HDHD2: variants seen among roughly 807,000 people sequenced by gnomAD.
HDHD2 encodes haloacid dehalogenase like hydrolase domain containing 2, also known as haloacid dehalogenase-like hydrolase domain-containing protein 2.
HDHD2 carries 26 observed loss-of-function variants against 24.8 expected under a neutral mutation model. The ratio of observed to expected loss-of-function variants is 1.05; its 90% CI spans 0.77 to 1.45. The LOEUF (loss-of-function observed/expected upper bound fraction) is 1.45. HDHD2 is among the 40% of genes most tolerant of loss of function. The pLI is 0.00. For missense variants in HDHD2, 299 were observed against 313.4 expected (o/e 0.95, Z 0.35); for synonymous variants, 128 against 114.9 (o/e 1.11, Z -0.73).
At chr18:47,122,932 T>A (rs1001645424) in intron 4 of HDHD2, among the ~76,000 whole-genome samples, 1 of 151,850 alleles carries the variant, frequency 6.6e-6, no homozygotes, top group African/African-American at 2.4e-5. Flanking sequence ...AAAACAAACA[T>A]AGCTTACTGA....
At chr18:47,148,871 T>C (rs1284546415) in intron 1 of HDHD2, among the ~76,000 whole-genome samples, 2 of 152,202 alleles carry the variant, frequency 1.3e-5, no homozygotes, top group African/African-American at 4.8e-5. Flanking sequence ...AACAGTGCAG[T>C]GGTTAAGGAC....
At chr18:47,109,553 A>C (rs2063499306) in intron 6 of HDHD2, 1 of 152,306 alleles carries the variant, frequency 6.6e-6, no homozygotes, top group African/African-American at 2.4e-5. Context: ...GCTGCTTACC[A>C]AGCCCTTTGT....
intron 4 of HDHD2, among the ~76,000 whole-genome samples, chr18:47,121,968 C>T (rs2063611439): frequency 6.6e-6 from 1 of 152,148 alleles, no homozygotes; most frequent in East Asian, 1.9e-4. Context: ...GGACTTCCTC[C>T]TCACATTTGG....
intron 3 of HDHD2, among the ~76,000 whole-genome samples, chr18:47,132,194 T>C (rs543269572): frequency 2.0e-4 from 30 of 152,224 alleles, no homozygotes; most frequent in Non-Finnish European, 4.1e-4. Flanking sequence ...ACAGAAAATG[T>C]GTAAAGATTT....
chr18:47,128,373 A>G (rs1365759192), intron 4 of HDHD2, among the ~76,000 whole-genome samples: 2 of 152,222 alleles, frequency 1.3e-5, no homozygotes, highest in Non-Finnish European at 2.9e-5. Flanking sequence ...TAAATGAGTG[A>G]AAAGTAGTAG....
At chr18:47,118,272 AT>A (rs1434291909) in intron 4 of HDHD2, among the ~76,000 whole-genome samples, 1 of 152,190 alleles carries the variant, frequency 6.6e-6, no homozygotes, top group Admixed American at 6.5e-5. Flanking sequence ...AGGAATATAG[AT>A]CATTCTATTA....
chr18:47,113,138 A>C, intron 5 of HDHD2, 98 bp from the exon 6 acceptor site: 1 of 928,164 alleles, frequency 1.1e-6, no homozygotes, highest in Non-Finnish European at 1.8e-6. Flanking sequence ...TCCAACTGTA[A>C]TGCCATGTTT....
At chr18:47,148,762 T>G (rs1055101986) in intron 1 of HDHD2, among the ~76,000 whole-genome samples, 2 of 152,214 alleles carry the variant, frequency 1.3e-5, no homozygotes, top group Admixed American at 6.5e-5. Context: ...CTTTTTGAAG[T>G]TGGAAATCAA....
At chr18:47,119,783 G>C (rs1055839155) in intron 4 of HDHD2, among the ~76,000 whole-genome samples, 5 of 152,094 alleles carry the variant, frequency 3.3e-5, no homozygotes, top group Admixed American at 6.6e-5. Flanking sequence ...CATTGTCTAT[G>C]GCAGCTATGG....
Position 47,136,429 on chromosome 18 carries a change from C to T in HDHD2, c.11G>A (p.Cys4Tyr). 6.2e-7 allele frequency: 1 copy of T among 1,612,628 alleles called. No individual in the cohort carries two copies. The highest frequency in any genetic ancestry group is 2.2e-5 in the East Asian group (1 of 44,874). The change falls in exon 2 of 7, where the codon TGC (cysteine) becomes TAC (tyrosine). Residue 4 changes from cysteine (C) to tyrosine (Y), a missense_variant. By Grantham distance (194) the Cys-to-Tyr change is radical. Coordinates refer to ENST00000300605, the MANE Select transcript of HDHD2 (RefSeq NM_032124.5). ...TACCAAAACAGCTTTTAATGCACGG[C>T]ATGCTGCCATCCTTCATTCCCTAGG... MAA[C>Y]RALKAVLVDL...
intron 3 of HDHD2, among the ~76,000 whole-genome samples, chr18:47,132,855 T>C (rs1434166554): frequency 2.6e-5 from 4 of 152,250 alleles, no homozygotes; most frequent in African/African-American, 9.6e-5. Flanking sequence ...ATGTTCAATG[T>C]AAAAACTTCA....
At chr18:47,115,111 C>T (rs1568043849) in intron 5 of HDHD2, 21 bp downstream of exon 5, 3 of 1,587,356 alleles carry the variant, frequency 1.9e-6, no homozygotes, top group Non-Finnish European at 2.6e-6. Context: ...CTGGGAGCAC[C>T]TCCTGGGTTC....
intron 4 of HDHD2, among the ~76,000 whole-genome samples, chr18:47,125,917 G>A (rs1276779669): frequency 1.3e-5 from 2 of 152,084 alleles, no homozygotes; most frequent in Admixed American, 1.3e-4. Flanking sequence ...ATATTTTTAT[G>A]GTTTGTTCAC....
chr18:47,113,109 G>A (rs141997213), intron 5 of HDHD2, 69 bp from the exon 6 acceptor site: 10 of 1,283,542 alleles, frequency 7.8e-6, no homozygotes, highest in African/African-American at 4.4e-5. Flanking sequence ...ATTACCAACT[G>A]ATTTATTAGG....
In HDHD2 at chr18:47,137,885, AAAG is replaced by A. The variant is rs541885710; in HGVS notation, c.-10-1439_-10-1437del. On this transcript the variant is annotated intron_variant, in intron 1 of 6. Transcript: ENST00000300605. Reference sequence around the variant, plus strand: ...ATAAACTTCCTGTTGGAAAAAAAAAAAAGAAGAACAGGGCTGGGTGCAGTGGCT... The same window carrying A: ...ATAAACTTCCTGTTGGAAAAAAAAAAAAGAACAGGGCTGGGTGCAGTGGCT... 8.2e-4 allele frequency among the ~76,000 whole-genome samples: 125 copies of A among 152,148 alleles called. 1 individual carries two copies. The highest frequency in any genetic ancestry group is 2.7e-3 in the African/African-American group (112 of 41,518).
intron 4 of HDHD2, among the ~76,000 whole-genome samples, chr18:47,127,783 C>T (rs1047516043): frequency 6.6e-6 from 1 of 150,874 alleles, no homozygotes; most frequent in Non-Finnish European, 1.5e-5. Context: ...TGTAGAAAGG[C>T]TGTACTATGC....
At chr18:47,129,810 C>T (rs1319565370) in intron 4 of HDHD2, among the ~76,000 whole-genome samples, 1 of 152,146 alleles carries the variant, frequency 6.6e-6, no homozygotes, top group African/African-American at 2.4e-5. Flanking sequence ...TGCTGGCACA[C>T]GCCTGTAATT....
Position 47,134,584 on chromosome 18 carries a change from T to C in HDHD2, c.222A>G (p.Thr74=), listed in dbSNP as rs773781757. The C allele has an allele frequency of 1.2e-6, 2 of 1,614,162 alleles. No homozygotes were observed. Among genetic ancestry groups the C allele is most frequent in the Non-Finnish European group, 1.7e-6 (2 of 1,179,996 alleles). ...GTAAACTTCTGGCTGCAGTCAGAGA[T>C]GTGAATATTTCATCTTCAGAGATAT... The part of the protein sequence containing the change: ...EFDISEDEIF[T]SLTAARSLLE... Residue 74 remains threonine (T), a synonymous_variant, in exon 3 of 7, where the codon ACA becomes ACG. Transcript: ENST00000300605.
chr18:47,136,259 C>G (rs769194245), intron 2 of HDHD2, 80 bp downstream of exon 2: 2 of 1,566,314 alleles, frequency 1.3e-6, no homozygotes, highest in Non-Finnish European at 1.7e-6. Flanking sequence ...ATCTTAAGGC[C>G]ATCCATTTAG....
Sources: allele counts gnomAD v4.1 joint callset (sites outside exome capture counted in the v4.1 genomes callset), GRCh38; gene constraint gnomAD v4.1.1; transcripts MANE v1.5; gene names NCBI Gene and HGNC (gene_info 2026-07-23, HGNC 2026-07-21).